The following EYS variants were observed in gnomAD, a reference collection of about 807,000 sequenced individuals.
The protein encoded by EYS is EGF-like photoreceptor maintenance factor.
EYS carries 250 observed loss-of-function variants against 282.1 expected under a neutral mutation model. That is an observed-to-expected ratio of 0.89 (90% CI 0.80 to 0.98). The LOEUF is 0.98. Ranked by LOEUF, EYS falls within the 50% of genes least tolerant of loss-of-function variation. The probability of loss-of-function intolerance (pLI) is 0.00; values close to 1 mark genes in which losing one functional copy is unlikely to be tolerated. For synonymous variants in EYS, 1,355 were observed against 1,282.9 expected (o/e 1.06, Z -1.20); for missense variants, 4,016 against 3,709.0 (o/e 1.08, Z -2.15).
At chr6:64,193,472 G>A (rs772319357) in intron 31 of EYS, among the ~76,000 whole-genome samples, 2 of 151,582 alleles carry the variant, frequency 1.3e-5, no homozygotes, top group African/African-American at 2.4e-5. Context: ...CACCATGCCC[G>A]GCTAATCTTT....
chr6:65,223,882 G>A (rs1766543827), intron 12 of EYS, among the ~76,000 whole-genome samples: 2 of 152,108 alleles, frequency 1.3e-5, no homozygotes, highest in Admixed American at 1.3e-4. Context: ...CAGCTTTCCT[G>A]TCTTGGAGTA....
intron 26 of EYS, among the ~76,000 whole-genome samples, chr6:64,522,841 C>T (rs1777789823): frequency 2.6e-5 from 4 of 151,704 alleles, no homozygotes; most frequent in South Asian, 4.1e-4. Context: ...TATCTGAATG[C>T]CAAGTTCTCC....
chr6:65,216,784 A>C (rs2150256006), intron 12 of EYS, among the ~76,000 whole-genome samples: 1 of 151,960 alleles, frequency 6.6e-6, no homozygotes, highest in African/African-American at 2.4e-5. Context: ...AATATTTTAT[A>C]ATATAATATG....
intron 5 of EYS, among the ~76,000 whole-genome samples, chr6:65,452,755 C>G (rs1197433895): frequency 6.6e-6 from 1 of 151,956 alleles, no homozygotes; most frequent in Non-Finnish European, 1.5e-5. Flanking sequence ...AGATATTGGT[C>G]TTCTTATATA....
chr6:65,364,231 A>G (rs929004941), intron 8 of EYS, among the ~76,000 whole-genome samples: 2 of 142,932 alleles, frequency 1.4e-5, no homozygotes, highest in African/African-American at 5.2e-5. Context: ...TGACTAAAAA[A>G]TAAAATCAAC....
intron 24 of EYS, among the ~76,000 whole-genome samples, chr6:64,597,910 A>T (rs1766638334): frequency 6.6e-6 from 1 of 152,188 alleles, no homozygotes; most frequent in Non-Finnish European, 1.5e-5. Context: ...CACAACACAA[A>T]AAAGATATCT....
intron 22 of EYS, among the ~76,000 whole-genome samples, chr6:64,735,732 A>C (rs2149956334): frequency 6.6e-6 from 1 of 152,288 alleles, no homozygotes; most frequent in African/African-American, 2.4e-5. Context: ...AGTGTCTGAC[A>C]AAAGTATTTA....
At chr6:63,953,505 C>T (rs1454261666) in intron 35 of EYS, among the ~76,000 whole-genome samples, 2 of 152,134 alleles carry the variant, frequency 1.3e-5, no homozygotes, top group African/African-American at 4.8e-5. Context: ...CAAATGTGCT[C>T]TCCCTGCTAA....
intron 31 of EYS, among the ~76,000 whole-genome samples, chr6:64,205,856 T>TATAG (rs1328424931): frequency 4.7e-5 from 7 of 149,070 alleles, no homozygotes; most frequent in African/African-American, 1.7e-4. Flanking sequence ...TATATATATA[T>TATAG]AGAGAGAGAG....
intron 11 of EYS, among the ~76,000 whole-genome samples, chr6:65,298,758 A>C (rs1203198245): frequency 6.6e-6 from 1 of 151,360 alleles, no homozygotes; most frequent in Non-Finnish European, 1.5e-5. Context: ...ATTCTCAAAA[A>C]TGATTATATC....
intron 30 of EYS, among the ~76,000 whole-genome samples, chr6:64,303,279 C>T (rs1769299621): frequency 6.6e-6 from 1 of 152,166 alleles, no homozygotes. Flanking sequence ...TGCCAAGTAA[C>T]ACTACAGGTC....
intron 13 of EYS, among the ~76,000 whole-genome samples, chr6:65,025,474 T>C (rs1356815277): frequency 6.6e-6 from 1 of 152,242 alleles, no homozygotes; most frequent in Admixed American, 6.5e-5. Flanking sequence ...TTTGCATTTA[T>C]GCATTTAGAG....
At chr6:64,541,955 TAA>T (rs1276641092) in intron 26 of EYS, among the ~76,000 whole-genome samples, 8 of 152,200 alleles carry the variant, frequency 5.3e-5, no homozygotes, top group Admixed American at 6.5e-5. Flanking sequence ...CCTTTGCATT[TAA>T]AAATGTGGTT....
intron 12 of EYS, among the ~76,000 whole-genome samples, chr6:65,201,039 A>C (rs750333116): frequency 1.2e-4 from 19 of 152,128 alleles, no homozygotes; most frequent in Non-Finnish European, 2.5e-4. Context: ...TTTTGAATAG[A>C]TGTATTATGG....
chr6:65,359,176 C>T (rs1429544235), intron 8 of EYS, among the ~76,000 whole-genome samples: 2 of 151,878 alleles, frequency 1.3e-5, no homozygotes, highest in African/African-American at 2.4e-5. Flanking sequence ...TAAAAAGAAA[C>T]AAGAGAATCA....
At chr6:65,688,439 G>A (rs1432471840) in intron 1 of EYS, among the ~76,000 whole-genome samples, 1 of 151,930 alleles carries the variant, frequency 6.6e-6, no homozygotes, top group Non-Finnish European at 1.5e-5. Flanking sequence ...AATTCAAGAT[G>A]GATTAAAGAC....
intron 26 of EYS, among the ~76,000 whole-genome samples, chr6:64,546,991 T>C (rs1764895235): frequency 1.3e-5 from 2 of 152,108 alleles, no homozygotes; most frequent in Admixed American, 1.3e-4. Flanking sequence ...AACCTCGCGG[T>C]GAGTGTTACA....
chr6:64,922,665 T>C (rs6455016), intron 15 of EYS, among the ~76,000 whole-genome samples: 97,468 of 151,960 alleles, frequency 0.64, 31,610 homozygotes, highest in African/African-American at 0.74. Flanking sequence ...TTCCTCTCCA[T>C]GATAGCAGTG....
intron 5 of EYS, among the ~76,000 whole-genome samples, chr6:65,447,584 T>A (rs2150399253): frequency 6.7e-6 from 1 of 149,926 alleles, no homozygotes; most frequent in South Asian, 2.1e-4. Flanking sequence ...TTTTTTTATT[T>A]GACATTAATT....
Sources: gnomAD v4.1 joint callset for allele counts (sites outside exome capture counted in the v4.1 genomes callset) on GRCh38, gnomAD v4.1.1 for gene constraint, MANE v1.5 for transcripts, NCBI Gene and HGNC (gene_info 2026-07-23, HGNC 2026-07-21) for gene names.